ASXL3: variants seen among roughly 807,000 people sequenced by gnomAD.
ASXL3 encodes putative Polycomb group protein ASXL3.
In ASXL3, 34 loss-of-function variants were observed where a neutral mutation model predicts 170.6. The ratio of observed to expected loss-of-function variants is 0.20; its 90% CI spans 0.15 to 0.27. The LOEUF (loss-of-function observed/expected upper bound fraction) is 0.27, where lower values mean the gene tolerates loss of function less well. ASXL3 is among the 10% of genes least tolerant of loss of function. ASXL3 has a pLI of 1.00. For synonymous variants in ASXL3, 1,002 were observed against 989.1 expected (o/e 1.01, Z -0.24); for missense variants, 2,592 against 2,695.3 (o/e 0.96, Z 0.85).
Position 33,646,427 on chromosome 18 carries a change from T to C in ASXL3, c.355+74T>C, listed in dbSNP as rs2065915291. 11 of 1,085,366 alleles carry C rather than the reference T, an allele frequency of 1.0e-5. No homozygotes were observed. In the South Asian group the frequency reaches 1.5e-4, roughly 15 times the overall value. The allele number at this position is 1,085,366 out of a possible 1,614,324, so 67.2% of individuals were successfully genotyped here. A position where few individuals can be genotyped will look rare whatever the true frequency, so the allele number is the denominator to read the frequency against. ...ATATAGAATGCCAATGATTCATTAA[T>C]TGAATTTCCCACCATTATCAATACA... is the stretch of plus-strand genomic sequence containing the variant. On this transcript the variant is annotated intron_variant, in intron 4 of 11. Coordinates refer to ENST00000269197, the MANE Select transcript of ASXL3 (RefSeq NM_030632.3).
In ASXL3 at chr18:33,661,606, C is replaced by T; in HGVS notation, c.356-10C>T. ...AAATTAGTAATATCATTATCTCTCT[C>T]TGTTTCTAGTTTGTTCGAAGCAGGT... is the stretch of plus-strand genomic sequence containing the variant. On this transcript the variant is annotated splice_polypyrimidine_tract_variant and intron_variant, in intron 4 of 11. Coordinates refer to ENST00000269197, the MANE Select transcript of ASXL3 (RefSeq NM_030632.3). The T allele has an allele frequency of 6.2e-7, 1 of 1,603,484 alleles. No homozygotes were observed.
intron 8 of ASXL3, among the ~76,000 whole-genome samples, chr18:33,722,972 G>A (rs1367548572): frequency 2.0e-5 from 3 of 152,144 alleles, no homozygotes; most frequent in African/African-American, 7.2e-5. Flanking sequence ...TAAAGCCTGA[G>A]TGACAGCACA....
At chr18:33,680,935 T>C (rs1297449094) in intron 7 of ASXL3, among the ~76,000 whole-genome samples, 2 of 152,040 alleles carry the variant, frequency 1.3e-5, no homozygotes, top group Non-Finnish European at 2.9e-5. Context: ...CAGTTACCTT[T>C]ATTGTGATTG....
At chr18:33,655,997 C>G (rs895283997) in intron 4 of ASXL3, among the ~76,000 whole-genome samples, 3 of 151,944 alleles carry the variant, frequency 2.0e-5, no homozygotes, top group Non-Finnish European at 4.4e-5. Context: ...GGTATTCTAT[C>G]TTTTTCACTG....
intron 1 of ASXL3, among the ~76,000 whole-genome samples, chr18:33,607,066 G>A (rs2065260508): frequency 6.6e-6 from 1 of 151,976 alleles, no homozygotes; most frequent in Admixed American, 6.6e-5. Flanking sequence ...AAAGGCAAAG[G>A]AAAGGAAACT....
At position 33,745,842 on chromosome 18, in the gene ASXL3, A is replaced by C; in HGVS notation, c.5994A>C (p.Glu1998Asp). ...NMLSPNMPMK[E>D]GDEVGGTAHT... ...TATCCCCCAATATGCCCATGAAAGA[A>C]GGTGATGAGGTGGGAGGCACTGCAC... Residue 1998 changes from glutamate (E) to aspartate (D), a missense_variant, in exon 12 of 12, where the codon GAA (glutamate) becomes GAC (aspartate). Physicochemically the swap from Glu to Asp is conservative, Grantham distance 45 (BLOSUM62 2). Around this residue, in one of 4 missense-constraint regions of ASXL3, gnomAD observed 2,246 missense variants for 2,219.6 expected, o/e 1.01. Coordinates refer to ENST00000269197, the MANE Select transcript of ASXL3 (RefSeq NM_030632.3). 1 of 1,613,978 alleles carries C rather than the reference A, an allele frequency of 6.2e-7. No individual in the cohort carries two copies. Among genetic ancestry groups the C allele is most frequent in the African/African-American group, 1.3e-5 (1 of 75,042 alleles).
In ASXL3 at chr18:33,578,642, A is replaced by G. The variant is rs1484690727; in HGVS notation, c.11A>G (p.Lys4Arg). MKD[K>R]RKKKDRTWAE... ...CAATGAGATGCAAACATGAAAGACA[A>G]GAGGAAGAAGAAGGACCGCACCTGG... The change falls in exon 1 of 12, where the codon AAG (lysine) becomes AGG (arginine). Residue 4 changes from lysine (K) to arginine (R), a missense_variant. Coordinates refer to ENST00000269197, the MANE Select transcript of ASXL3 (RefSeq NM_030632.3). 2 of 1,359,426 alleles carry G rather than the reference A, an allele frequency of 1.5e-6. No individual in the cohort carries two copies. Among genetic ancestry groups the G allele is most frequent in the Non-Finnish European group, 9.7e-7 (1 of 1,029,958 alleles). The allele number at this position is 1,359,426 out of a possible 1,614,324, so 84.2% of individuals were successfully genotyped here.
At position 33,745,276 on chromosome 18, in the gene ASXL3, T is replaced by C. The variant is rs371000347; in HGVS notation, c.5428T>C (p.Tyr1810His). The C allele has an allele frequency of 2.9e-5, 46 of 1,613,858 alleles. No homozygotes were observed. The highest frequency in any genetic ancestry group is 3.7e-5 in the Non-Finnish European group (44 of 1,179,912). Reference protein sequence around the residue: ...PSSPNPDGKGYLAGTLAPLQM... With the variant: ...PSSPNPDGKGHLAGTLAPLQM... ...CTCTCCAAATCCAGATGGTAAGGGC[T>C]ACTTGGCAGGGACTCTGGCACCACT... Residue 1810 changes from tyrosine to histidine, a missense_variant, in exon 12 of 12, where the codon TAC (tyrosine) becomes CAC (histidine). Transcript: ENST00000269197.
intron 9 of ASXL3, 95 bp from the exon 10 acceptor site, chr18:33,734,215 C>A: frequency 1.4e-6 from 1 of 717,696 alleles, no homozygotes; most frequent in Non-Finnish European, 2.2e-6. Context: ...TTTTCAAGAT[C>A]CATAAAAGTT....
intron 5 of ASXL3, among the ~76,000 whole-genome samples, chr18:33,664,332 T>C (rs991265421): frequency 2.6e-5 from 4 of 152,176 alleles, no homozygotes; most frequent in African/African-American, 4.8e-5. Flanking sequence ...TATAGACGAA[T>C]TTTTGATGCT....
intron 7 of ASXL3, among the ~76,000 whole-genome samples, chr18:33,679,058 CAT>C (rs10548420): frequency 0.066 from 9,970 of 152,176 alleles, 398 homozygotes; most frequent in South Asian, 0.19. Flanking sequence ...TTGCTCATAA[CAT>C]GTTTCGGAAG....
At chr18:33,720,078 A>G (rs1233678603) in intron 8 of ASXL3, among the ~76,000 whole-genome samples, 4 of 152,066 alleles carry the variant, frequency 2.6e-5, no homozygotes, top group Non-Finnish European at 5.9e-5. Context: ...GGGCATAGAT[A>G]TTACCAGGCT....
chr18:33,646,043 CAA>C (rs561318920), intron 3 of ASXL3, among the ~76,000 whole-genome samples, 200 bp from the exon 4 acceptor site: 6 of 135,284 alleles, frequency 4.4e-5, no homozygotes, highest in Non-Finnish European at 8.1e-5. Context: ...AAAATTTATC[CAA>C]AAAAAAAATC....
intron 2 of ASXL3, among the ~76,000 whole-genome samples, chr18:33,610,450 T>C (rs1011846618): frequency 4.6e-5 from 7 of 152,036 alleles, no homozygotes; most frequent in South Asian, 4.1e-4. Context: ...CTAGCAGTTC[T>C]AGACAGTAGA....
rs755252993 is a variant in ASXL3 at position 33,739,338 on chromosome 18, T to G, written c.1934T>G (p.Leu645Arg). The G allele has an allele frequency of 6.2e-7, 1 of 1,613,568 alleles. No homozygotes were observed. The highest frequency in any genetic ancestry group is 1.1e-5 in the South Asian group (1 of 91,018). The change falls in exon 11 of 12, where the codon CTT becomes CGT. Residue 645 changes from leucine to arginine, a missense_variant. Around this residue, in one of 4 missense-constraint regions of ASXL3, gnomAD observed 2,246 missense variants for 2,219.6 expected, o/e 1.01. Transcript: ENST00000269197. The part of the protein sequence containing the change: ...TSEESCTPAS[L>R]ETTFCSEVSS... ...GAAGAATCATGTACTCCAGCCTCCC[T>G]TGAGACAACATTTTGTTCTGAGGTA...
At chr18:33,685,533 T>G (rs1426963069) in intron 8 of ASXL3, among the ~76,000 whole-genome samples, 1 of 152,180 alleles carries the variant, frequency 6.6e-6, no homozygotes, top group Non-Finnish European at 1.5e-5. Context: ...TACAAATCTG[T>G]CTCCAGCTTC....
chr18:33,637,009 G>A (rs542191419), intron 2 of ASXL3, among the ~76,000 whole-genome samples: 10 of 152,142 alleles, frequency 6.6e-5, no homozygotes, highest in South Asian at 2.1e-4. Context: ...ATAGAGATAC[G>A]TTTGTGAATT....
At chr18:33,678,421 A>G (rs1040431371) in intron 7 of ASXL3, among the ~76,000 whole-genome samples, 6 of 152,186 alleles carry the variant, frequency 3.9e-5, no homozygotes, top group African/African-American at 1.4e-4. Flanking sequence ...CCTTCTGGGA[A>G]ATGTGAGTCC....
At chr18:33,709,540 T>TA (rs2145344654) in intron 8 of ASXL3, among the ~76,000 whole-genome samples, 1 of 152,316 alleles carries the variant, frequency 6.6e-6, no homozygotes, top group African/African-American at 2.4e-5. Context: ...AAAGTGTATG[T>TA]ACTGTGTAAT....
Sources: gnomAD v4.1 joint callset for allele counts (sites outside exome capture counted in the v4.1 genomes callset) on GRCh38, gnomAD v4.1.1 for gene constraint, gnomAD v4.1.1 regional missense constraint, MANE v1.5 for transcripts, NCBI Gene and HGNC (gene_info 2026-07-23, HGNC 2026-07-21) for gene names.